The following PRELID2 variants were observed in gnomAD, a reference collection of about 807,000 sequenced individuals.
The protein encoded by PRELID2 is PRELI domain containing 2.
Under a neutral mutation model 28.4 loss-of-function variants are expected in PRELID2, and 25 were observed. The ratio of observed to expected loss-of-function variants is 0.88; its 90% CI spans 0.64 to 1.23. The LOEUF (loss-of-function observed/expected upper bound fraction) is 1.23, where lower values mean the gene tolerates loss of function less well. Ranked by LOEUF, PRELID2 falls within the 50% of genes most tolerant of loss-of-function variation. The probability of loss-of-function intolerance (pLI) is 0.00; values close to 1 mark genes in which losing one functional copy is unlikely to be tolerated. For synonymous variants in PRELID2, 76 were observed against 71.6 expected, an observed-to-expected ratio of 1.06 and a Z score of -0.31; for missense variants, 201 against 214.4, an observed-to-expected ratio of 0.94 and a Z score of 0.39.
At chr5:145,792,718 G>C (rs553864779) in intron 5 of PRELID2, among the ~76,000 whole-genome samples, 1 of 152,108 alleles carries the variant, frequency 6.6e-6, no homozygotes, top group Non-Finnish European at 1.5e-5. Context: ...ACATGAATTT[G>C]AGGGAGAGAA....
chr5:145,429,323 G>A, the PRELID2 span, among the ~76,000 whole-genome samples: 1 of 152,166 alleles, frequency 6.6e-6, no homozygotes. Context: ...GGGTATGAGA[G>A]AAAGAAACGA....
chr5:145,254,546 C>T, the PRELID2 span, among the ~76,000 whole-genome samples: 2,768 of 152,116 alleles, frequency 0.018, 42 homozygotes, highest in Middle Eastern at 0.058. Flanking sequence ...GCTCATGTAC[C>T]TGTTTAATTC....
At chr5:145,483,731 C>T (rs921606871) in intron 1 of PRELID2, among the ~76,000 whole-genome samples, 1 of 152,208 alleles carries the variant, frequency 6.6e-6, no homozygotes, top group Non-Finnish European at 1.5e-5. Flanking sequence ...GAGCCAGGAA[C>T]TAAATCACAA....
chr5:145,545,865 G>A (rs1230946328), intron 1 of PRELID2, among the ~76,000 whole-genome samples: 1 of 152,048 alleles, frequency 6.6e-6, no homozygotes. Context: ...TACATTTGGT[G>A]GTTTTCCTTT....
At chr5:145,407,713 C>T in the PRELID2 span, among the ~76,000 whole-genome samples, 1 of 152,170 alleles carries the variant, frequency 6.6e-6, no homozygotes, top group Non-Finnish European at 1.5e-5. Context: ...GCCATTACAG[C>T]AACTCATAAC....
the PRELID2 span, among the ~76,000 whole-genome samples, chr5:145,267,561 T>C: frequency 1.3e-5 from 2 of 152,118 alleles, no homozygotes; most frequent in African/African-American, 4.8e-5. Flanking sequence ...CATTCCTCTG[T>C]GTAGACACTT....
chr5:145,346,507 A>G, the PRELID2 span, among the ~76,000 whole-genome samples: 18 of 152,182 alleles, frequency 1.2e-4, no homozygotes, highest in African/African-American at 4.1e-4. Context: ...AGAATGGGAA[A>G]GGAATTATTG....
chr5:145,409,039 G>A, the PRELID2 span, among the ~76,000 whole-genome samples: 1 of 152,114 alleles, frequency 6.6e-6, no homozygotes, highest in South Asian at 2.1e-4. Flanking sequence ...AACCCTACAA[G>A]CCAGAAAGGA....
intron 1 of PRELID2, among the ~76,000 whole-genome samples, chr5:145,830,567 G>A (rs958920814): frequency 1.1e-4 from 16 of 152,214 alleles, no homozygotes; most frequent in Non-Finnish European, 1.0e-4. Context: ...AGTGGTAAGT[G>A]ATAAGAGCTA....
At chr5:145,410,781 C>T in the PRELID2 span, among the ~76,000 whole-genome samples, 6 of 152,170 alleles carry the variant, frequency 3.9e-5, 1 homozygote, top group Admixed American at 3.9e-4. Flanking sequence ...TGCCACTGCA[C>T]TCCCGAATCT....
At chr5:145,766,850 A>G (rs1757793066) in intron 5 of PRELID2, among the ~76,000 whole-genome samples, 1 of 152,166 alleles carries the variant, frequency 6.6e-6, no homozygotes, top group African/African-American at 2.4e-5. Context: ...GTTGCACTCT[A>G]GCATTACTAA....
intron 1 of PRELID2, among the ~76,000 whole-genome samples, chr5:145,593,969 A>G (rs1325931188): frequency 6.6e-6 from 1 of 152,192 alleles, no homozygotes; most frequent in African/African-American, 2.4e-5. Context: ...TGATAGTGGT[A>G]TTGTGATAGT....
chr5:145,436,153 T>G, the PRELID2 span, among the ~76,000 whole-genome samples: 3 of 152,174 alleles, frequency 2.0e-5, no homozygotes, highest in Non-Finnish European at 4.4e-5. Flanking sequence ...GTGCACTCAA[T>G]TTTTAGCTCC....
chr5:145,802,388 C>G (rs1054442926), intron 4 of PRELID2, among the ~76,000 whole-genome samples: 11 of 152,230 alleles, frequency 7.2e-5, no homozygotes, highest in African/African-American at 2.6e-4. Flanking sequence ...ATGGTTGTAT[C>G]TATTTTTTCT....
chr5:145,828,278 C>A (rs1755337077), intron 1 of PRELID2, among the ~76,000 whole-genome samples: 1 of 152,056 alleles, frequency 6.6e-6, no homozygotes, highest in Non-Finnish European at 1.5e-5. Context: ...TAGCACTGTG[C>A]AAGTAGAAAA....
intron 1 of PRELID2, among the ~76,000 whole-genome samples, chr5:145,559,074 G>A (rs1220441228): frequency 6.6e-6 from 1 of 152,106 alleles, no homozygotes; most frequent in African/African-American, 2.4e-5. Flanking sequence ...CTAACATGGT[G>A]AAACCCCGTC....
At chr5:145,734,103 G>A (rs1756426786) in intron 1 of PRELID2, among the ~76,000 whole-genome samples, 1 of 152,136 alleles carries the variant, frequency 6.6e-6, no homozygotes, top group Non-Finnish European at 1.5e-5. Context: ...ATGCATCCCT[G>A]CCAACATCTT....
the PRELID2 span, among the ~76,000 whole-genome samples, chr5:145,421,874 C>T: frequency 6.7e-6 from 1 of 149,916 alleles, no homozygotes; most frequent in Non-Finnish European, 1.5e-5. Context: ...GCATTTAGTG[C>T]TATAAATTTC....
At chr5:145,460,438 G>A in the PRELID2 span, among the ~76,000 whole-genome samples, 1 of 151,902 alleles carries the variant, frequency 6.6e-6, no homozygotes, top group Admixed American at 6.6e-5. Flanking sequence ...AATTCATTTG[G>A]GTTGAAACAC....
Sources: allele counts gnomAD v4.1 joint callset (sites outside exome capture counted in the v4.1 genomes callset), GRCh38; gene constraint gnomAD v4.1.1; transcripts MANE v1.5; gene names NCBI Gene and HGNC (gene_info 2026-07-23, HGNC 2026-07-21).